The following NR1H3 variants were observed in gnomAD, a reference collection of about 807,000 sequenced individuals.
The protein encoded by NR1H3 is nuclear receptor subfamily 1 group H member 3.
In NR1H3, 19 loss-of-function variants were observed where a neutral mutation model predicts 48.1. That is an observed-to-expected ratio of 0.40 (90% CI 0.28 to 0.58). The LOEUF (loss-of-function observed/expected upper bound fraction) is 0.58. Among genes scored for constraint, NR1H3 ranks in the 20% least tolerant of loss-of-function variants. The pLI is 0.50. For missense variants in NR1H3, 486 were observed against 595.9 expected (o/e 0.82, Z 1.92); for synonymous variants, 232 against 227.3 (o/e 1.02, Z -0.19).
chr11:47,252,487 G>A (rs558691660), intron 1 of NR1H3, among the ~76,000 whole-genome samples: 2 of 151,958 alleles, frequency 1.3e-5, no homozygotes, highest in East Asian at 1.9e-4. Flanking sequence ...TCGAACTCCC[G>A]ACCTCAGGTG....
upstream of NR1H3, chr11:47,248,597 C>T (rs1447936641): frequency 6.4e-7 from 1 of 1,553,808 alleles, no homozygotes; most frequent in Non-Finnish European, 8.7e-7. Flanking sequence ...CTGTTCCTTC[C>T]CGAGATCCTC....
chr11:47,267,697 C>T (rs968085884), intron 7 of NR1H3, among the ~76,000 whole-genome samples: 1 of 152,222 alleles, frequency 6.6e-6, no homozygotes, highest in East Asian at 1.9e-4. Flanking sequence ...TTAGTACAGA[C>T]GGGGTTTCGC....
upstream of NR1H3, chr11:47,257,612 G>T (rs530830293): frequency 3.1e-6 from 3 of 980,834 alleles, no homozygotes; most frequent in South Asian, 1.4e-4. Context: ...ATTCCGGGCC[G>T]TGCTGGGACC....
upstream of NR1H3, chr11:47,257,669 G>A (rs1955315918): frequency 8.1e-6 from 8 of 985,662 alleles, no homozygotes; most frequent in Non-Finnish European, 9.6e-6. Flanking sequence ...CGATTCTGGA[G>A]GCTGCTGGGA....
chr11:47,260,431 A>G lies in NR1H3; in HGVS notation c.255A>G (p.Lys85=). ...EPTEIRPQKR[K]KGPAPKMLGN... ...CAGAGATCCGTCCACAAAAGCGGAA[A>G]AAGGGGCCAGCCCCCAAAATGCTGG... The change falls in exon 4 of 10, where the codon AAA becomes AAG. Residue 85 remains lysine (K), a synonymous_variant. Transcript: ENST00000441012. 1 of 1,613,428 alleles carries G rather than the reference A, an allele frequency of 6.2e-7. No individual in the cohort carries two copies. Among genetic ancestry groups the G allele is most frequent in the Non-Finnish European group, 8.5e-7 (1 of 1,179,466 alleles).
chr11:47,256,913 G>A (rs1247220920), upstream of NR1H3, among the ~76,000 whole-genome samples: 1 of 151,880 alleles, frequency 6.6e-6, no homozygotes, highest in Non-Finnish European at 1.5e-5. Context: ...TGTATTTTTA[G>A]GAGAGACGGG....
chr11:47,255,206 C>A (rs960524814), upstream of NR1H3, among the ~76,000 whole-genome samples: 1 of 152,216 alleles, frequency 6.6e-6, no homozygotes, highest in Non-Finnish European at 1.5e-5. Context: ...GACTCTGACA[C>A]AGCAAAGGGA....
chr11:47,259,485 A>G lies in NR1H3; in HGVS notation c.43+226A>G, dbSNP rs1277470032. On this transcript the variant is annotated intron_variant, in intron 2 of 9. Transcript: ENST00000441012. ...CCCCAGTCTGGATTTGCTGCTAGAG[A>G]GTTGGCCAGCTGAGTGCTTACCCTG... 9 of 1,546,252 alleles carry G rather than the reference A, an allele frequency of 5.8e-6. No individual in the cohort carries two copies. In the Admixed American group the frequency reaches 1.8e-4, roughly 31 times the overall value.
Position 47,260,914 on chromosome 11 carries a change from G to A in NR1H3, c.499+239G>A, listed in dbSNP as rs1317561273. ...AGCCTGGCCAACATAGTGAAACCCC[G>A]ACTCTACTAAAAATACAAAAATTAG... On this transcript the variant is annotated intron_variant, in intron 4 of 9. Transcript: ENST00000441012. Among the ~76,000 whole-genome samples, 5 of 152,028 alleles carry A rather than the reference G, an allele frequency of 3.3e-5. No individual in the cohort carries two copies. In the East Asian group the frequency reaches 7.8e-4, roughly 24 times the overall value.
chr11:47,268,700 T>C lies in NR1H3; in HGVS notation c.*4T>C, dbSNP rs1248535426. The stretch of plus-strand genomic sequence containing the variant: ...GATCTGGGATGTGCACGAATGACTG[T>C]TCTGTCCCCATATTTTCTGTTTTCT... On this transcript the variant is annotated 3_prime_UTR_variant, in exon 10 of 10. Coordinates refer to ENST00000441012, the MANE Select transcript of NR1H3 (RefSeq NM_005693.4). The C allele has an allele frequency of 6.2e-7, 1 of 1,613,556 alleles. No homozygotes were observed. The highest frequency in any genetic ancestry group is 1.1e-5 in the South Asian group (1 of 91,046).
intron 1 of NR1H3, among the ~76,000 whole-genome samples, chr11:47,252,273 G>GTTT (rs1954727564): frequency 6.6e-6 from 1 of 151,004 alleles, no homozygotes; most frequent in African/African-American, 2.4e-5. Context: ...TGTTGTTGTT[G>GTTT]TTTTTGAGAT....
chr11:47,248,427 C>A (rs1258576415), upstream of NR1H3: 6 of 1,537,386 alleles, frequency 3.9e-6, no homozygotes, highest in Non-Finnish European at 5.2e-6. Flanking sequence ...TAACCAAAGG[C>A]TTCTTTAGGG....
chr11:47,261,351 C>A lies in NR1H3; in HGVS notation c.610C>A (p.Pro204Thr), dbSNP rs771198542. The change falls in exon 5 of 10, where the codon CCC becomes ACC. Residue 204 changes from proline to threonine, a missense_variant. Transcript: ENST00000441012. Reference sequence around the variant, plus strand: ...GGCTTCCTCACCCCCCCAAATCCTGCCCCAGCTCAGCCCGGAACAACTGGG... The same window carrying A: ...GGCTTCCTCACCCCCCCAAATCCTGACCCAGCTCAGCCCGGAACAACTGGG... ...PRASSPPQIL[P>T]QLSPEQLGMI... 5.0e-6 allele frequency: 8 copies of A among 1,614,094 alleles called. No individual in the cohort carries two copies. In the South Asian group the frequency reaches 6.6e-5, roughly 13 times the overall value.
Position 47,260,658 on chromosome 11 carries a change from C to T in NR1H3, c.482C>T (p.Ala161Val). The T allele has an allele frequency of 6.2e-7, 1 of 1,602,102 alleles. No homozygotes were observed. The highest frequency in any genetic ancestry group is 8.5e-7 in the Non-Finnish European group (1 of 1,177,460). The change falls in exon 4 of 10, where the codon GCT becomes GTT. Residue 161 changes from alanine to valine, a missense_variant. Ala to Val is a moderately conservative substitution (Grantham distance 64, BLOSUM62 0). Coordinates refer to ENST00000441012, the MANE Select transcript of NR1H3 (RefSeq NM_005693.4). ...TGTCGGCTTCGCAAATGCCGTCAGGCTGGCATGCGGGAGGAGTGTGAGTTT... is the reference window on the plus strand; with the variant it reads ...TGTCGGCTTCGCAAATGCCGTCAGGTTGGCATGCGGGAGGAGTGTGAGTTT... ...QECRLRKCRQ[A>V]GMREECVLSE... is the part of the protein sequence containing the mutation.
At chr11:47,256,999 G>A (rs1371806784), upstream of NR1H3, among the ~76,000 whole-genome samples, 3 of 152,018 alleles carry the variant, frequency 2.0e-5, no homozygotes, top group Non-Finnish European at 4.4e-5. Context: ...CAAAGTGCTG[G>A]GATTACAGGC....
chr11:47,255,764 T>C (rs1217896921), upstream of NR1H3, among the ~76,000 whole-genome samples: 2 of 151,480 alleles, frequency 1.3e-5, no homozygotes, highest in African/African-American at 4.9e-5. Context: ...GCCTGCCAGG[T>C]TCAAGTGATT....
chr11:47,250,642 C>T (rs1954573241), intron 1 of NR1H3: 1 of 152,218 alleles, frequency 6.6e-6, no homozygotes, highest in African/African-American at 2.4e-5. Context: ...TTTTGCACCT[C>T]TCCTCCAGAA....
chr11:47,253,378 G>A (rs1430835529), upstream of NR1H3, among the ~76,000 whole-genome samples: 1 of 152,168 alleles, frequency 6.6e-6, no homozygotes, highest in African/African-American at 2.4e-5. Flanking sequence ...ATGTAGTAGG[G>A]ATGAAATAAA....
At chr11:47,261,882 TC>T (rs761503939) in intron 6 of NR1H3, 36 bp from the exon 7 acceptor site, 2 of 1,604,016 alleles carry the variant, frequency 1.2e-6, no homozygotes, top group Admixed American at 3.3e-5. Context: ...AGACCAGCCC[TC>T]CTAGTCCCCG....
Sources: gnomAD v4.1 joint callset for allele counts (sites outside exome capture counted in the v4.1 genomes callset) on GRCh38, gnomAD v4.1.1 for gene constraint, MANE v1.5 for transcripts, NCBI Gene and HGNC (gene_info 2026-07-23, HGNC 2026-07-21) for gene names.